Variants in DDR2 observed in about 807,000 individuals in gnomAD.
DDR2 encodes discoidin domain-containing receptor 2.
In DDR2, 27 loss-of-function variants were observed where a neutral mutation model predicts 94.9. The ratio of observed to expected loss-of-function variants is 0.28; its 90% CI spans 0.21 to 0.39. The LOEUF (loss-of-function observed/expected upper bound fraction) is 0.39, where lower values mean the gene tolerates loss of function less well. DDR2 is among the 10% of genes least tolerant of loss of function. The pLI, the probability that DDR2 is intolerant of heterozygous loss-of-function variation, is 1.00. For missense variants in DDR2, 783 were observed against 1,076.0 expected, an observed-to-expected ratio of 0.73 and a Z score of 3.81; for synonymous variants, 382 against 377.2, an observed-to-expected ratio of 1.01 and a Z score of -0.15.
chr1:162,755,805 G>A (rs1663435347), intron 7 of DDR2, 36 bp downstream of exon 7: 1 of 1,527,808 alleles, frequency 6.5e-7, no homozygotes, highest in Non-Finnish European at 9.1e-7. Context: ...ATGGGAAATT[G>A]GCCACTAAGA....
chr1:162,663,641 C>T (rs142099328), intron 2 of DDR2, among the ~76,000 whole-genome samples: 20 of 151,984 alleles, frequency 1.3e-4, no homozygotes, highest in Non-Finnish European at 1.9e-4. Flanking sequence ...AGCAGGTGGG[C>T]GGTGAAGGAG....
At chr1:162,656,839 T>TTTTTTG (rs1657998084) in intron 2 of DDR2, among the ~76,000 whole-genome samples, 1 of 117,196 alleles carries the variant, frequency 8.5e-6, no homozygotes, top group Non-Finnish European at 1.9e-5. Flanking sequence ...TGGAGTTTTT[T>TTTTTTG]TTTTTTTTTT....
chr1:162,647,061 G>T (rs1328878184), intron 1 of DDR2, among the ~76,000 whole-genome samples: 1 of 152,130 alleles, frequency 6.6e-6, no homozygotes, highest in Non-Finnish European at 1.5e-5. Flanking sequence ...TACGCTTTTG[G>T]CCAGACCCTT....
At chr1:162,672,736 T>G (rs2101940584) in intron 2 of DDR2, among the ~76,000 whole-genome samples, 1 of 152,310 alleles carries the variant, frequency 6.6e-6, no homozygotes, top group Middle Eastern at 3.4e-3. Flanking sequence ...AGAGAACAGC[T>G]TTCTATCACA....
chr1:162,695,065 A>G (rs1660125182), intron 2 of DDR2, among the ~76,000 whole-genome samples: 1 of 152,100 alleles, frequency 6.6e-6, no homozygotes, highest in Non-Finnish European at 1.5e-5. Context: ...TAGAATTTAG[A>G]CTTAATTGCT....
chr1:162,636,457 C>A lies in DDR2; in HGVS notation c.-192+3826C>A, dbSNP rs556725708. ...TTGTGATTTGTGCCTAAAAGAACCC[C>A]ACAAAAATCTGTGAGGGGCCCTTTG... On this transcript the variant is annotated intron_variant, in intron 1 of 17. Coordinates refer to ENST00000367921, the MANE Select transcript of DDR2 (RefSeq NM_006182.4). Among the ~76,000 whole-genome samples, 5 of 152,278 alleles carry A rather than the reference C, an allele frequency of 3.3e-5. No individual in the cohort carries two copies. In the South Asian group the frequency reaches 1.0e-3, roughly 32 times the overall value.
intron 3 of DDR2, among the ~76,000 whole-genome samples, chr1:162,736,966 C>A (rs1005366744): frequency 1.3e-5 from 2 of 152,194 alleles, no homozygotes. Context: ...GATTCCATGT[C>A]TTCACTATTG....
intron 7 of DDR2, among the ~76,000 whole-genome samples, chr1:162,757,972 AG>A (rs911582905): frequency 2.3e-4 from 35 of 152,310 alleles, no homozygotes; most frequent in African/African-American, 8.2e-4. Flanking sequence ...ATATATTTTG[AG>A]TGCTTACCTT....
chr1:162,656,834 T>TTTTTTG (rs1657995017), intron 2 of DDR2, among the ~76,000 whole-genome samples: 2 of 46,302 alleles, frequency 4.3e-5, no homozygotes, highest in Non-Finnish European at 9.2e-5. Flanking sequence ...GCCACTGGAG[T>TTTTTTG]TTTTTTTTTT....
chr1:162,725,627 C>G (rs1558048032), intron 3 of DDR2, among the ~76,000 whole-genome samples: 1 of 152,156 alleles, frequency 6.6e-6, no homozygotes, highest in South Asian at 2.1e-4. Context: ...TCCTAAAGTG[C>G]TGGGATTACA....
intron 1 of DDR2, among the ~76,000 whole-genome samples, chr1:162,653,289 T>A (rs1352218441): frequency 6.6e-6 from 1 of 151,356 alleles, no homozygotes; most frequent in African/African-American, 2.4e-5. Flanking sequence ...CAGAAAATTG[T>A]TTGGGGGCCG....
rs1663378411 is a variant in DDR2 at position 162,754,817 on chromosome 1, A to G, written c.379A>G (p.Thr127Ala). Residue 127 changes from threonine to alanine, a missense_variant, in exon 5 of 18, where the codon ACT (threonine) becomes GCT (alanine). Around this residue, in one of 2 missense-constraint regions of DDR2, gnomAD observed 519 missense variants for 647.9 expected, o/e 0.80. Coordinates refer to ENST00000367921, the MANE Select transcript of DDR2 (RefSeq NM_006182.4). ...CAAGATCAATTACAGTCGGGATGGC[A>G]CTCGCTGGATCTCTTGGCGGAACCG... ...MYKINYSRDG[T>A]RWISWRNRHG... 3 of 1,613,828 alleles carry G rather than the reference A, an allele frequency of 1.9e-6. No individual in the cohort carries two copies. The highest frequency in any genetic ancestry group is 2.5e-6 in the Non-Finnish European group (3 of 1,179,976).
At chr1:162,688,181 G>A (rs914473088) in intron 2 of DDR2, among the ~76,000 whole-genome samples, 1 of 152,234 alleles carries the variant, frequency 6.6e-6, no homozygotes, top group Non-Finnish European at 1.5e-5. Context: ...AGACTGACAT[G>A]TCTCCAGTAC....
chr1:162,644,307 C>G (rs1657299538), intron 1 of DDR2, among the ~76,000 whole-genome samples: 1 of 152,144 alleles, frequency 6.6e-6, no homozygotes, highest in Non-Finnish European at 1.5e-5. Flanking sequence ...ATCCAGCCCT[C>G]CATAGGAACA....
chr1:162,724,689 C>A (rs1215972977), intron 3 of DDR2, among the ~76,000 whole-genome samples: 2 of 152,038 alleles, frequency 1.3e-5, no homozygotes, highest in Non-Finnish European at 2.9e-5. Flanking sequence ...CATCTGTTAA[C>A]GAGAAGGTGA....
chr1:162,654,793 A>G (rs1244440503), intron 1 of DDR2, among the ~76,000 whole-genome samples: 1 of 152,196 alleles, frequency 6.6e-6, no homozygotes, highest in African/African-American at 2.4e-5. Flanking sequence ...ATTGCAGCAC[A>G]TTGAATCCAG....
At chr1:162,753,836 A>G (rs1338412511) in intron 4 of DDR2, among the ~76,000 whole-genome samples, 2 of 152,202 alleles carry the variant, frequency 1.3e-5, no homozygotes, top group East Asian at 1.9e-4. Context: ...TTTGTGAAGT[A>G]TTGATTTTAT....
chr1:162,664,551 CA>C (rs752780986), intron 2 of DDR2, among the ~76,000 whole-genome samples: 4 of 151,850 alleles, frequency 2.6e-5, no homozygotes, highest in South Asian at 4.2e-4. Flanking sequence ...TTAGATAACA[CA>C]AGAAGGTATT....
intron 9 of DDR2, among the ~76,000 whole-genome samples, chr1:162,761,715 A>G (rs547965783): frequency 3.3e-5 from 5 of 152,354 alleles, no homozygotes; most frequent in African/African-American, 1.2e-4. Flanking sequence ...TAAAAATTTT[A>G]TATAATTTAA....
Sources: allele counts gnomAD v4.1 joint callset (sites outside exome capture counted in the v4.1 genomes callset), GRCh38; gene constraint gnomAD v4.1.1; regional missense constraint gnomAD v4.1.1; transcripts MANE v1.5; gene names NCBI Gene and HGNC (gene_info 2026-07-23, HGNC 2026-07-21).